MIPEP: variants seen among roughly 807,000 people sequenced by gnomAD.
MIPEP encodes the protein mitochondrial intermediate peptidase.
MIPEP carries 79 observed loss-of-function variants against 90.3 expected under a neutral mutation model. The ratio of observed to expected loss-of-function variants is 0.87; its 90% CI spans 0.73 to 1.05. The LOEUF is 1.05. Among genes scored for constraint, MIPEP ranks in the 50% least tolerant of loss-of-function variants. The probability of loss-of-function intolerance (pLI) is 0.00; values close to 1 mark genes in which losing one functional copy is unlikely to be tolerated. For synonymous variants in MIPEP, 334 were observed against 315.8 expected (o/e 1.06, Z -0.61); for missense variants, 940 against 905.6 (o/e 1.04, Z -0.49).
intron 18 of MIPEP, chr13:23,747,654 G>A (rs568582235): frequency 4.8e-6 from 2 of 416,136 alleles, no homozygotes; most frequent in Non-Finnish European, 9.5e-6. Context: ...TATTTAGCCT[G>A]TAAAATATCC....
intron 14 of MIPEP, among the ~76,000 whole-genome samples, chr13:23,832,587 T>G (rs554435751): frequency 6.6e-6 from 1 of 152,210 alleles, no homozygotes; most frequent in South Asian, 2.1e-4. Context: ...TGTGCTAATT[T>G]GGAGCAACGG....
intron 18 of MIPEP, chr13:23,747,447 G>T (rs1952395619): frequency 2.3e-6 from 1 of 442,794 alleles, no homozygotes; most frequent in African/African-American, 2.0e-5. Context: ...CTGCTATCTA[G>T]CTGCTTAACA....
chr13:23,731,344 T>C (rs930415204), intron 18 of MIPEP, among the ~76,000 whole-genome samples: 5 of 152,192 alleles, frequency 3.3e-5, no homozygotes, highest in Non-Finnish European at 7.3e-5. Flanking sequence ...GAAGCATCTG[T>C]TGTGTGTAAA....
At position 23,841,398 on chromosome 13, in the gene MIPEP, C is replaced by A; in HGVS notation, c.1197G>T (p.Gly399=). 1.2e-6 allele frequency: 2 copies of A among 1,614,130 alleles called. No individual in the cohort carries two copies. The highest frequency in any genetic ancestry group is 1.7e-6 in the Non-Finnish European group (2 of 1,180,026). The change falls in exon 11 of 19, where the codon GGG becomes GGT. Residue 399 remains glycine (G), a synonymous_variant. Transcript: ENST00000382172. ...GLNILLNRLL[G]ISLYAEQPAK... ...CAGGCTGCTCTGCATATAATGAAAT[C>A]CCCAACAGTCTGTTAAGCAAAATAT...
intron 12 of MIPEP, among the ~76,000 whole-genome samples, chr13:23,838,393 C>T (rs1377803732): frequency 6.6e-6 from 1 of 152,092 alleles, no homozygotes; most frequent in Non-Finnish European, 1.5e-5. Flanking sequence ...AGTGATCTGC[C>T]AGCCTCAGCC....
At chr13:23,888,811 T>G (rs765119627) in intron 1 of MIPEP, 1 of 998,768 alleles carries the variant, frequency 1.0e-6, no homozygotes, top group Non-Finnish European at 1.2e-6. Context: ...TGCGCCTGAG[T>G]GTATGCAGAG....
intron 14 of MIPEP, among the ~76,000 whole-genome samples, chr13:23,810,849 G>C (rs1191214553): frequency 6.6e-6 from 1 of 152,228 alleles, no homozygotes; most frequent in Non-Finnish European, 1.5e-5. Flanking sequence ...AGAACTGCTA[G>C]GAAACGGCTT....
intron 15 of MIPEP, among the ~76,000 whole-genome samples, chr13:23,808,100 T>G (rs1372694212): frequency 4.6e-5 from 7 of 151,396 alleles, no homozygotes. Context: ...ACAGTGTTTT[T>G]TTTTTGTTTT....
chr13:23,864,344 A>G (rs1870434552), intron 7 of MIPEP, among the ~76,000 whole-genome samples, 155 bp from the exon 8 acceptor site: 1 of 152,230 alleles, frequency 6.6e-6, no homozygotes, highest in Admixed American at 6.5e-5. Context: ...TATACCAAAC[A>G]TATAGTAAAT....
At chr13:23,805,045 G>A (rs532024921) in intron 16 of MIPEP, among the ~76,000 whole-genome samples, 22 of 152,212 alleles carry the variant, frequency 1.4e-4, no homozygotes, top group African/African-American at 4.8e-4. Context: ...ACGACATTGT[G>A]GGAGACCTAA....
rs538679555 is a variant in MIPEP, at chr13:23,872,670, A to G, written c.603+2176T>C. Among the ~76,000 whole-genome samples the G allele has an allele frequency of 1.1e-4, 16 of 152,304 alleles. No homozygotes were observed. The South Asian group carries it at 3.3e-3, about 32-fold the overall frequency. On this transcript the variant is annotated intron_variant, in intron 5 of 18. Coordinates refer to ENST00000382172, the MANE Select transcript of MIPEP (RefSeq NM_005932.4). ...AACTGAGCAGGTTTACTTTAGTTGCATATTCAATATTGAGGGGTTCCCTGG... is the reference window on the plus strand; with the variant it reads ...AACTGAGCAGGTTTACTTTAGTTGCGTATTCAATATTGAGGGGTTCCCTGG...
chr13:23,750,522 C>T (rs951408731), intron 18 of MIPEP, among the ~76,000 whole-genome samples: 1 of 152,208 alleles, frequency 6.6e-6, no homozygotes, highest in South Asian at 2.1e-4. Context: ...GGGAGGAAAA[C>T]TTCCCATCAT....
chr13:23,806,720 C>A (rs1446811856), intron 15 of MIPEP, among the ~76,000 whole-genome samples: 1 of 104,768 alleles, frequency 9.5e-6, no homozygotes, highest in Non-Finnish European at 2.0e-5. Context: ...AAATCTATAT[C>A]TATCTATCTA....
intron 18 of MIPEP, among the ~76,000 whole-genome samples, chr13:23,740,154 T>G (rs1184580956): frequency 6.6e-6 from 1 of 152,164 alleles, no homozygotes; most frequent in Non-Finnish European, 1.5e-5. Context: ...TAAAAAGAAC[T>G]TATCTGGTCC....
chr13:23,749,682 C>T (rs750299574), intron 18 of MIPEP, among the ~76,000 whole-genome samples: 5 of 152,120 alleles, frequency 3.3e-5, no homozygotes, highest in Non-Finnish European at 7.4e-5. Flanking sequence ...TTCTGTCCCC[C>T]GTGACAGTCA....
chr13:23,798,781 T>G (rs1458916883), intron 16 of MIPEP, among the ~76,000 whole-genome samples: 1 of 152,062 alleles, frequency 6.6e-6, no homozygotes, highest in Non-Finnish European at 1.5e-5. Flanking sequence ...CCCCTTTGCC[T>G]TCTGCCATGA....
chr13:23,871,600 T>TA (rs1326681910), intron 5 of MIPEP, among the ~76,000 whole-genome samples: 1 of 152,188 alleles, frequency 6.6e-6, no homozygotes, highest in Admixed American at 6.5e-5. Context: ...TCTATGCTCC[T>TA]AAAAAATGAT....
chr13:23,763,032 AC>A (rs1244494091), intron 16 of MIPEP, among the ~76,000 whole-genome samples: 1 of 152,224 alleles, frequency 6.6e-6, no homozygotes, highest in Non-Finnish European at 1.5e-5. Context: ...GCTATTTAAA[AC>A]GAAAGCAAAG....
chr13:23,837,508 T>C, intron 13 of MIPEP, 44 bp downstream of exon 13: 1 of 1,397,834 alleles, frequency 7.2e-7, no homozygotes, highest in Non-Finnish European at 1.0e-6. Context: ...AAAATGTATG[T>C]TTGTAAAGGA....
Sources: gnomAD v4.1 joint callset for allele counts (sites outside exome capture counted in the v4.1 genomes callset) on GRCh38, gnomAD v4.1.1 for gene constraint, MANE v1.5 for transcripts, NCBI Gene and HGNC (gene_info 2026-07-23, HGNC 2026-07-21) for gene names.